The following RELCH variants were observed in gnomAD, a reference collection of about 807,000 sequenced individuals.
RELCH encodes the protein RAB11-binding protein RELCH.
Under a neutral mutation model 150.3 loss-of-function variants are expected in RELCH, and 41 were observed. The observed-to-expected ratio is 0.27, with a 90% CI of 0.21 to 0.35. RELCH has a LOEUF of 0.35. Ranked by LOEUF, RELCH falls within the 10% of genes least tolerant of loss-of-function variation. RELCH has a pLI of 1.00. For missense variants in RELCH, 1,092 were observed against 1,467.8 expected (o/e 0.74, Z 4.18); for synonymous variants, 478 against 531.8 (o/e 0.90, Z 1.39).
chr18:62,209,647 C>CA (rs35985070), intron 1 of RELCH, among the ~76,000 whole-genome samples: 62,124 of 144,904 alleles, frequency 0.43, 13,644 homozygotes, highest in East Asian at 0.71. Flanking sequence ...TCAATTTCTG[C>CA]AAAAAAAAAA....
chr18:62,222,338 A>G (rs138669780), intron 5 of RELCH, among the ~76,000 whole-genome samples: 1 of 152,098 alleles, frequency 6.6e-6, no homozygotes, highest in African/African-American at 2.4e-5. Context: ...TATGTAAGAG[A>G]CATTAAACTA....
intron 1 of RELCH, among the ~76,000 whole-genome samples, chr18:62,209,101 A>G (rs946036784): frequency 2.6e-5 from 4 of 152,106 alleles, no homozygotes; most frequent in Non-Finnish European, 5.9e-5. Flanking sequence ...ACCTCACTTC[A>G]CCTTTGCCAT....
chr18:62,230,761 T>C (rs1266659480), intron 8 of RELCH, among the ~76,000 whole-genome samples: 3 of 152,078 alleles, frequency 2.0e-5, no homozygotes, highest in Non-Finnish European at 4.4e-5. Context: ...ATTATATATA[T>C]CTGCAAAGCT....
chr18:62,246,554 A>G (rs1290721396), intron 11 of RELCH: 1 of 152,244 alleles, frequency 6.6e-6, no homozygotes, highest in Non-Finnish European at 1.5e-5. Context: ...TTTGTGAAAA[A>G]CACAGTTAAC....
At chr18:62,268,094 T>C (rs1157604955) in intron 19 of RELCH, among the ~76,000 whole-genome samples, 1 of 152,064 alleles carries the variant, frequency 6.6e-6, no homozygotes, top group East Asian at 1.9e-4. Context: ...GAAAATAATT[T>C]AAAGCCATAT....
intron 1 of RELCH, among the ~76,000 whole-genome samples, chr18:62,207,465 A>G (rs1254024575): frequency 1.3e-5 from 2 of 152,190 alleles, no homozygotes; most frequent in Non-Finnish European, 2.9e-5. Flanking sequence ...ATGAATAATT[A>G]TGTACAAGAT....
chr18:62,263,127 A>T (rs1007870375), intron 16 of RELCH, among the ~76,000 whole-genome samples: 1 of 152,034 alleles, frequency 6.6e-6, no homozygotes, highest in African/African-American at 2.4e-5. Context: ...GTCTAACTAC[A>T]TCTACAGCAA....
chr18:62,241,584 A>G (rs1481110031), intron 10 of RELCH, among the ~76,000 whole-genome samples: 1 of 152,142 alleles, frequency 6.6e-6, no homozygotes, highest in Non-Finnish European at 1.5e-5. Flanking sequence ...TTATTGCTCT[A>G]TTATTCTGAT....
intron 2 of RELCH, among the ~76,000 whole-genome samples, chr18:62,219,357 C>G (rs1351638843): frequency 1.2e-5 from 1 of 83,390 alleles, no homozygotes; most frequent in South Asian, 3.6e-4. Flanking sequence ...TTCTATCATT[C>G]TGGCGTAGGG....
chr18:62,287,943 G>A (rs9957756), intron 26 of RELCH, among the ~76,000 whole-genome samples: 9,628 of 152,144 alleles, frequency 0.063, 1,006 homozygotes, highest in African/African-American at 0.22. Context: ...ATGATCTCCA[G>A]TGATTGTAGA....
chr18:62,255,177 A>G (rs532788822), intron 12 of RELCH, among the ~76,000 whole-genome samples: 10 of 152,108 alleles, frequency 6.6e-5, no homozygotes, highest in South Asian at 6.2e-4. Flanking sequence ...CCAAATTTTC[A>G]TCTTGGTTTT....
In RELCH at chr18:62,305,452, C is replaced by G. The variant is rs778731378; in HGVS notation, c.3569C>G (p.Thr1190Arg). ...SIAASLVSED[T>R]KTKFLNKMGQ... is the part of the protein sequence containing the mutation. ...GCTGCAAGCTTAGTGAGTGAAGATA[C>G]AAAGACCAAGTTTTTGAACAAAATG... The change falls in exon 29 of 29, where the codon ACA becomes AGA. Residue 1190 changes from threonine (T) to arginine (R), a missense_variant. This residue lies in a region of RELCH where 707 missense variants were observed against 1,025.4 expected (regional missense o/e 0.69). Transcript: ENST00000644646. The surrounding 1 kb of genome is among the most constrained non-coding windows in gnomAD (Gnocchi z 4.0). The G allele has an allele frequency of 6.2e-7, 1 of 1,611,346 alleles. No individual in the cohort carries two copies. The highest frequency in any genetic ancestry group is 1.1e-5 in the South Asian group (1 of 90,710).
rs1022024637 is a variant in RELCH at position 62,287,618 on chromosome 18, C to T, written c.3370+151C>T. On this transcript the variant is annotated intron_variant, in intron 26 of 28. Transcript: ENST00000644646. ...AGATTTGATTTGTCTCACTCCACTC[C>T]TTCTTCTAGCCATCTCATAATTTTA... 7.5e-5 allele frequency: 46 copies of T among 612,174 alleles called. No homozygotes were observed. In the African/African-American group the frequency reaches 8.8e-4, roughly 12 times the overall value. The allele number at this position is 612,174 out of a possible 1,614,324, so 37.9% of individuals were successfully genotyped here.
rs1599927464 is a variant in RELCH, at chr18:62,228,213, C to G, written c.1155-92C>G. On this transcript the variant is annotated intron_variant, in intron 7 of 28. Coordinates refer to ENST00000644646, the MANE Select transcript of RELCH (RefSeq NM_001346231.2). ...TTTGCTACTAATACTTTTAAATATG[C>G]TTTTAAAACATTAAACCCATTATGA... The G allele has an allele frequency of 6.9e-6, 7 of 1,021,628 alleles. No homozygotes were observed. In the East Asian group the frequency reaches 1.7e-4, roughly 25 times the overall value. The allele number at this position is 1,021,628 out of a possible 1,614,324, so 63.3% of individuals were successfully genotyped here.
chr18:62,275,467 G>A lies in RELCH; in HGVS notation c.2961G>A (p.Met987Ile). Residue 987 changes from methionine (M) to isoleucine (I), a missense_variant, in exon 22 of 29, where the codon ATG becomes ATA. Met to Ile is a conservative substitution (Grantham distance 10). This residue lies in a region of RELCH where 707 missense variants were observed against 1,025.4 expected (regional missense o/e 0.69). Transcript: ENST00000644646. ...TCGTGAGGTGTACTGCTGCTAGAAT[G>A]TTTGAGGTATGTCAACACATGCCTC... ...SALVRCTAAR[M>I]FELLVKGVNE... 2 of 1,590,978 alleles carry A rather than the reference G, an allele frequency of 1.3e-6. No individual in the cohort carries two copies. Among genetic ancestry groups the A allele is most frequent in the South Asian group, 2.2e-5 (2 of 90,468 alleles).
At chr18:62,224,525 T>TAGAC (rs2041091500) in intron 5 of RELCH, among the ~76,000 whole-genome samples, 1 of 152,068 alleles carries the variant, frequency 6.6e-6, no homozygotes, top group South Asian at 2.1e-4. Context: ...GAAAATCCTA[T>TAGAC]AGACTCTCCA....
rs773767066 is a variant in RELCH at position 62,259,161 on chromosome 18, A to G, written c.2202+485A>G. ...GAATTAAAGAAATGTTGATGGAACA[A>G]TAGAAACTTCTTGATCTAATTTTTG... On this transcript the variant is annotated intron_variant, in intron 15 of 28. Coordinates refer to ENST00000644646, the MANE Select transcript of RELCH (RefSeq NM_001346231.2). Among the ~76,000 whole-genome samples the G allele has an allele frequency of 1.5e-4, 23 of 152,150 alleles. No individual in the cohort carries two copies. The South Asian group carries it at 2.1e-3, about 14-fold the overall frequency.
At chr18:62,188,369 T>A (rs2038315199) in intron 1 of RELCH, among the ~76,000 whole-genome samples, 1 of 152,208 alleles carries the variant, frequency 6.6e-6, no homozygotes, top group South Asian at 2.1e-4. Flanking sequence ...ATTTTCCTTT[T>A]TCTCCAGTTA....
At chr18:62,262,751 T>A (rs1368299481) in intron 16 of RELCH, among the ~76,000 whole-genome samples, 1 of 152,076 alleles carries the variant, frequency 6.6e-6, no homozygotes, top group Non-Finnish European at 1.5e-5. Context: ...TCTAATTCCC[T>A]TTTTCTTTTT....
Sources: allele counts gnomAD v4.1 joint callset (sites outside exome capture counted in the v4.1 genomes callset), GRCh38; gene constraint gnomAD v4.1.1; regional missense constraint gnomAD v4.1.1; non-coding constraint Gnocchi (gnomAD v3.1); transcripts MANE v1.5; gene names NCBI Gene and HGNC (gene_info 2026-07-23, HGNC 2026-07-21).